The following KCNH7 variants were observed in gnomAD, a reference collection of about 807,000 sequenced individuals.
KCNH7 encodes potassium voltage-gated channel subfamily H member 7.
In KCNH7, 49 loss-of-function variants were observed where a neutral mutation model predicts 120.8. The observed-to-expected ratio is 0.41, with a 90% CI of 0.32 to 0.51. The LOEUF is 0.51. Ranked by LOEUF, KCNH7 falls within the 20% of genes least tolerant of loss-of-function variation. The probability of loss-of-function intolerance (pLI) is 0.38; values close to 1 mark genes in which losing one functional copy is unlikely to be tolerated. For synonymous variants in KCNH7, 547 were observed against 516.1 expected, an observed-to-expected ratio of 1.06 and a Z score of -0.81; for missense variants, 1,097 against 1,446.6, an observed-to-expected ratio of 0.76 and a Z score of 3.92.
intron 2 of KCNH7, among the ~76,000 whole-genome samples, chr2:162,595,895 T>C (rs1694363328): frequency 6.6e-6 from 1 of 151,324 alleles, no homozygotes; most frequent in Admixed American, 6.6e-5. Context: ...AATAAATCAA[T>C]AGCATTTTTA....
rs1457033114 is a variant in KCNH7, at chr2:162,379,905, T to G, written c.3079A>C (p.Thr1027Pro). The G allele has an allele frequency of 3.1e-6, 5 of 1,613,824 alleles. No individual in the cohort carries two copies. In the Admixed American group the frequency reaches 8.3e-5, roughly 27 times the overall value. Residue 1027 changes from threonine to proline, a missense_variant, in exon 14 of 16, where the codon ACC becomes CCC. Physicochemically the swap from Thr to Pro is conservative, Grantham distance 38. Transcript: ENST00000332142. ...AATCTTTGTTCCACTTCCCCGTAGG[T>G]GAGGTCGCTTTCGGTTTCAGAGATA... Reference protein sequence around the residue: ...WGISETESDLTYGEVEQRLDL... With the variant: ...WGISETESDLPYGEVEQRLDL...
At chr2:162,537,831 C>T (rs546900311) in intron 2 of KCNH7, among the ~76,000 whole-genome samples, 2 of 152,120 alleles carry the variant, frequency 1.3e-5, no homozygotes, top group Admixed American at 1.3e-4. Context: ...TGCAATCAAC[C>T]ACTACCATCC....
At chr2:162,756,801 G>C (rs1008479043) in intron 2 of KCNH7, among the ~76,000 whole-genome samples, 5 of 152,224 alleles carry the variant, frequency 3.3e-5, no homozygotes, top group Non-Finnish European at 7.4e-5. Context: ...AGATTTAGAA[G>C]ATTCGCTTTA....
chr2:162,450,291 TCCAATACG>T (rs1030084881), intron 6 of KCNH7, among the ~76,000 whole-genome samples: 8 of 152,072 alleles, frequency 5.3e-5, no homozygotes, highest in Non-Finnish European at 1.2e-4. Context: ...TGTGTTGTAT[TCCAATACG>T]CCCATTGACA....
At chr2:162,586,550 C>A (rs1292338897) in intron 2 of KCNH7, among the ~76,000 whole-genome samples, 2 of 151,870 alleles carry the variant, frequency 1.3e-5, no homozygotes. Context: ...GCCCAAATTG[C>A]AGAATCATGA....
chr2:162,572,682 T>C (rs1393582216), intron 2 of KCNH7, among the ~76,000 whole-genome samples: 7 of 133,530 alleles, frequency 5.2e-5, no homozygotes, highest in African/African-American at 1.5e-4. Flanking sequence ...ATTAAGAAAA[T>C]GTGGCACATA....
At chr2:162,519,844 T>G (rs1558991533) in intron 3 of KCNH7, among the ~76,000 whole-genome samples, 2 of 151,954 alleles carry the variant, frequency 1.3e-5, no homozygotes, top group East Asian at 3.9e-4. Context: ...CCATTATCTT[T>G]AATATATTTA....
chr2:162,389,389 C>A (rs1379012324), intron 12 of KCNH7, among the ~76,000 whole-genome samples: 9 of 151,930 alleles, frequency 5.9e-5, no homozygotes, highest in Admixed American at 5.9e-4. Flanking sequence ...CTTTCTGACG[C>A]AATCATTTTT....
chr2:162,526,267 T>TCACAGGAC (rs1270130520), intron 3 of KCNH7, among the ~76,000 whole-genome samples: 39 of 151,986 alleles, frequency 2.6e-4, no homozygotes, highest in African/African-American at 9.4e-4. Context: ...CAGGGCAAGA[T>TCACAGGAC]CACAGGACCA....
chr2:162,670,776 A>G (rs1194316315), intron 2 of KCNH7, among the ~76,000 whole-genome samples: 3 of 152,042 alleles, frequency 2.0e-5, no homozygotes, highest in Admixed American at 2.0e-4. Flanking sequence ...GTGGAAAAAA[A>G]TTTCCAAAAA....
In KCNH7 at chr2:162,730,063, A is replaced by T. The variant is rs530318913; in HGVS notation, c.307+106474T>A. 7.2e-5 allele frequency among the ~76,000 whole-genome samples: 11 copies of T among 152,068 alleles called. No homozygotes were observed. The South Asian group carries it at 2.3e-3, about 32-fold the overall frequency. On this transcript the variant is annotated intron_variant, in intron 2 of 15. Coordinates refer to ENST00000332142, the MANE Select transcript of KCNH7 (RefSeq NM_033272.4). ...TATGTAAATACAACGTGTGAAAATT[A>T]TATTACAGTAATAAAAGTAAAAAAA...
chr2:162,542,745 T>C (rs995202765), intron 2 of KCNH7, among the ~76,000 whole-genome samples: 3 of 152,044 alleles, frequency 2.0e-5, no homozygotes, highest in Non-Finnish European at 4.4e-5. Context: ...GCATGACTTA[T>C]AGTCCTTTGG....
chr2:162,407,779 A>T (rs1238712809), intron 9 of KCNH7, among the ~76,000 whole-genome samples: 1 of 151,988 alleles, frequency 6.6e-6, no homozygotes, highest in African/African-American at 2.4e-5. Context: ...ATGCTCTACA[A>T]ATAGTTCTTC....
chr2:162,772,197 C>G (rs1344474155), intron 2 of KCNH7, among the ~76,000 whole-genome samples: 1 of 152,100 alleles, frequency 6.6e-6, no homozygotes, highest in Non-Finnish European at 1.5e-5. Flanking sequence ...AAGAATGGCA[C>G]AGACATTTAG....
At chr2:162,739,786 AC>A (rs1410239745) in intron 2 of KCNH7, among the ~76,000 whole-genome samples, 1 of 152,210 alleles carries the variant, frequency 6.6e-6, no homozygotes, top group East Asian at 1.9e-4. Context: ...TATGAGAAAT[AC>A]AAGGTCAATA....
In KCNH7 at chr2:162,783,625, A is replaced by T. The variant is rs563812472; in HGVS notation, c.307+52912T>A. Among the ~76,000 whole-genome samples, 42 of 152,304 alleles carry T rather than the reference A, an allele frequency of 2.8e-4. No individual in the cohort carries two copies. The South Asian group carries it at 6.0e-3, about 22-fold the overall frequency. ...AAAATGAGAGCAGATGTTGACAAAG[A>T]TATATTTGCTAGTCTGATGCCTCAG... is the stretch of plus-strand genomic sequence containing the variant. On this transcript the variant is annotated intron_variant, in intron 2 of 15. Coordinates refer to ENST00000332142, the MANE Select transcript of KCNH7 (RefSeq NM_033272.4).
At chr2:162,592,491 A>T (rs1477660216) in intron 2 of KCNH7, among the ~76,000 whole-genome samples, 4 of 152,042 alleles carry the variant, frequency 2.6e-5, no homozygotes, top group Non-Finnish European at 5.9e-5. Context: ...GCACTTTGAG[A>T]AAATGGACTC....
In KCNH7 at chr2:162,660,154, TC is replaced by T. The variant is rs1684910036; in HGVS notation, c.308-123075del. ...TCCACTCTAATTTCGTTATATCTTT[TC>T]TTAGGCTTACTTTGGATTTCATTTG... On this transcript the variant is annotated intron_variant, in intron 2 of 15. Coordinates refer to ENST00000332142, the MANE Select transcript of KCNH7 (RefSeq NM_033272.4). Among the ~76,000 whole-genome samples, 10 of 152,296 alleles carry T rather than the reference TC, an allele frequency of 6.6e-5. No individual in the cohort carries two copies. The South Asian group carries it at 1.7e-3, about 25-fold the overall frequency.
chr2:162,373,767 CT>C, intron 14 of KCNH7, 105 bp from the exon 15 acceptor site: 1 of 660,568 alleles, frequency 1.5e-6, no homozygotes, highest in East Asian at 3.4e-5. Flanking sequence ...TATGGCCTTG[CT>C]TTAAACAAGA....
Sources: gnomAD v4.1 joint callset for allele counts (sites outside exome capture counted in the v4.1 genomes callset) on GRCh38, gnomAD v4.1.1 for gene constraint, MANE v1.5 for transcripts, NCBI Gene and HGNC (gene_info 2026-07-23, HGNC 2026-07-21) for gene names.